Variants in NLGN4X observed in about 807,000 individuals in gnomAD.
NLGN4X encodes neuroligin-4, X-linked.
A neutral mutation model predicts 40.3 loss-of-function variants in NLGN4X; 3 were observed. That is an observed-to-expected ratio of 0.07 (90% CI 0.03 to 0.19). NLGN4X has a LOEUF of 0.19. NLGN4X is among the 10% of genes least tolerant of loss of function. NLGN4X has a pLI of 1.00. For missense variants in NLGN4X, 382 were observed against 708.3 expected (o/e 0.54, Z 5.23); for synonymous variants, 270 against 306.8 (o/e 0.88, Z 1.25).
At chrX:6,091,214 T>C (rs915610247) in intron 2 of NLGN4X, among the ~76,000 whole-genome samples, 1 of 111,361 alleles carries the variant, frequency 9.0e-6, no homozygotes, top group Non-Finnish European at 1.9e-5. Context: ...CCTAAGAGTA[T>C]CCTTAAAAAC....
At chrX:5,918,172 A>C (rs1412931893) in intron 3 of NLGN4X, among the ~76,000 whole-genome samples, 1 of 109,005 alleles carries the variant, frequency 9.2e-6, no homozygotes, top group Non-Finnish European at 1.9e-5. Context: ...TTTTTTATTT[A>C]CGTTTTCATT....
At chrX:5,958,734 A>G (rs997273215) in intron 3 of NLGN4X, among the ~76,000 whole-genome samples, 2 of 111,702 alleles carry the variant, frequency 1.8e-5, no homozygotes, top group African/African-American at 6.5e-5. Flanking sequence ...TTTATTTAAG[A>G]TTTGCCTACA....
At chrX:5,963,516 C>T (rs140122944) in intron 3 of NLGN4X, among the ~76,000 whole-genome samples, 13 of 111,473 alleles carry the variant, frequency 1.2e-4, no homozygotes, top group African/African-American at 3.9e-4. Context: ...ATTAGCAGCC[C>T]GAACAGACCA....
intron 2 of NLGN4X, among the ~76,000 whole-genome samples, chrX:6,128,471 AT>A (rs2039609090): frequency 8.9e-6 from 1 of 112,311 alleles, no homozygotes; most frequent in Admixed American, 9.5e-5. Context: ...CTGTAATGCC[AT>A]TTTAACAGCT....
intron 2 of NLGN4X, among the ~76,000 whole-genome samples, chrX:6,135,943 T>C (rs1024560083): frequency 8.9e-6 from 1 of 112,612 alleles, no homozygotes; most frequent in Non-Finnish European, 1.9e-5. Context: ...TGAATTTCTT[T>C]CACTTGCTAA....
intron 2 of NLGN4X, among the ~76,000 whole-genome samples, chrX:6,108,841 G>A (rs1266254003): frequency 9.0e-6 from 1 of 111,474 alleles, no homozygotes; most frequent in South Asian, 3.8e-4. Flanking sequence ...CCCCTGGGAA[G>A]CCCTCCAGGC....
intron 1 of NLGN4X, among the ~76,000 whole-genome samples, chrX:6,225,899 C>CCCCCA (rs369941000): frequency 2.4e-5 from 2 of 84,435 alleles, no homozygotes; most frequent in Non-Finnish European, 4.5e-5. Flanking sequence ...CCGCCCCCCC[C>CCCCCA]AAAAAAAATG....
At chrX:5,951,607 CG>C (rs754229887) in intron 3 of NLGN4X, among the ~76,000 whole-genome samples, 1 of 111,086 alleles carries the variant, frequency 9.0e-6, no homozygotes, top group Non-Finnish European at 1.9e-5. Flanking sequence ...TTCTGGAGAC[CG>C]GAAGTCCAAG....
chrX:6,011,146 C>A, intron 3 of NLGN4X, among the ~76,000 whole-genome samples: 1 of 110,668 alleles, frequency 9.0e-6, no homozygotes. Context: ...TAAAGTATCT[C>A]AGAGTCAAGA....
chrX:6,035,467 C>A (rs975321319), intron 2 of NLGN4X, among the ~76,000 whole-genome samples: 1 of 111,392 alleles, frequency 9.0e-6, no homozygotes, highest in East Asian at 2.8e-4. Context: ...ACCTGTCGTT[C>A]GAGTTAATTT....
At chrX:6,214,205 C>T (rs147192635) in intron 1 of NLGN4X, among the ~76,000 whole-genome samples, 2 of 111,734 alleles carry the variant, frequency 1.8e-5, no homozygotes, top group African/African-American at 6.5e-5. Flanking sequence ...CACAACACAG[C>T]GGGTTCTGTT....
chrX:6,209,287 T>C (rs1050746143), intron 1 of NLGN4X, among the ~76,000 whole-genome samples: 1 of 112,188 alleles, frequency 8.9e-6, no homozygotes, highest in Non-Finnish European at 1.9e-5. Flanking sequence ...ATACAATGTA[T>C]GTTATTTGGG....
At chrX:5,901,824 T>C (rs1438690533) in intron 5 of NLGN4X, among the ~76,000 whole-genome samples, 3 of 107,289 alleles carry the variant, frequency 2.8e-5, no homozygotes, top group Non-Finnish European at 3.8e-5. Context: ...TATATAGTAT[T>C]TGTATATATA....
At chrX:6,102,608 G>C (rs2147496160) in intron 2 of NLGN4X, among the ~76,000 whole-genome samples, 1 of 96,488 alleles carries the variant, frequency 1.0e-5, no homozygotes, top group South Asian at 5.3e-4. Context: ...TAAGTAATTT[G>C]CTGAACTAAG....
chrX:6,013,759 G>A (rs2036316170), intron 3 of NLGN4X, among the ~76,000 whole-genome samples: 1 of 110,729 alleles, frequency 9.0e-6, no homozygotes, highest in East Asian at 2.8e-4. Context: ...TCAGGAGGGT[G>A]AGATAGGAGG....
chrX:6,222,311 C>T (rs776746991), intron 1 of NLGN4X, among the ~76,000 whole-genome samples: 14 of 111,578 alleles, frequency 1.3e-4, no homozygotes, highest in African/African-American at 4.6e-4. Flanking sequence ...AAGTTTTCAT[C>T]ATCCAATCAG....
chrX:5,898,440 T>C (rs1421377781), intron 5 of NLGN4X, among the ~76,000 whole-genome samples: 1 of 109,933 alleles, frequency 9.1e-6, no homozygotes, highest in Non-Finnish European at 1.9e-5. Flanking sequence ...AACCAAAGGT[T>C]TATGTATACC....
chrX:6,198,282 A>G (rs144509955), intron 1 of NLGN4X, among the ~76,000 whole-genome samples: 292 of 111,553 alleles, frequency 2.6e-3, no homozygotes, highest in African/African-American at 9.2e-3. Context: ...AGAGATGCAC[A>G]TAGCCATTCC....
At chrX:5,919,057 G>A (rs1005612777) in intron 3 of NLGN4X, among the ~76,000 whole-genome samples, 1 of 112,207 alleles carries the variant, frequency 8.9e-6, no homozygotes, top group African/African-American at 3.2e-5. Flanking sequence ...TTCTCTCTGA[G>A]AATTAATTAA....
Sources: allele counts gnomAD v4.1 joint callset (sites outside exome capture counted in the v4.1 genomes callset), GRCh38; gene constraint gnomAD v4.1.1; transcripts MANE v1.5; gene names NCBI Gene and HGNC (gene_info 2026-07-23, HGNC 2026-07-21).